The following AGBL1 variants were observed in gnomAD, a reference collection of about 807,000 sequenced individuals.
AGBL1 encodes the protein cytosolic carboxypeptidase 4.
In AGBL1, 130 loss-of-function variants were observed where a neutral mutation model predicts 118.9. The observed-to-expected ratio is 1.09, with a 90% CI of 0.95 to 1.26. The LOEUF (loss-of-function observed/expected upper bound fraction) is 1.26, where lower values mean the gene tolerates loss of function less well. Ranked by LOEUF, AGBL1 falls within the 50% of genes most tolerant of loss-of-function variation. The pLI, the probability that AGBL1 is intolerant of heterozygous loss-of-function variation, is 0.00. For missense variants in AGBL1, 1,584 were observed against 1,298.1 expected (o/e 1.22, Z -3.38); for synonymous variants, 555 against 478.9 (o/e 1.16, Z -2.08).
chr15:86,859,116 A>T (rs2079525651), intron 22 of AGBL1, among the ~76,000 whole-genome samples: 1 of 152,190 alleles, frequency 6.6e-6, no homozygotes, highest in Non-Finnish European at 1.5e-5. Context: ...AGGCATATGG[A>T]ATAGGGAAGA....
chr15:86,548,675 A>G (rs2083621781), intron 20 of AGBL1, among the ~76,000 whole-genome samples: 1 of 150,370 alleles, frequency 6.7e-6, no homozygotes, highest in Non-Finnish European at 1.5e-5. Context: ...ACACACACAC[A>G]CACACACACA....
At chr15:86,800,750 T>C (rs1224371965) in intron 22 of AGBL1, among the ~76,000 whole-genome samples, 1 of 152,068 alleles carries the variant, frequency 6.6e-6, no homozygotes, top group Non-Finnish European at 1.5e-5. Context: ...TATATCCTGT[T>C]TGAAAATATT....
chr15:86,373,485 G>T (rs2080997123), intron 17 of AGBL1, among the ~76,000 whole-genome samples: 1 of 152,208 alleles, frequency 6.6e-6, no homozygotes, highest in Non-Finnish European at 1.5e-5. Flanking sequence ...GAGGGTTTTA[G>T]AAAGTTCTAT....
chr15:86,303,094 A>G (rs1355253238), intron 17 of AGBL1, among the ~76,000 whole-genome samples: 1 of 152,182 alleles, frequency 6.6e-6, no homozygotes, highest in African/African-American at 2.4e-5. Context: ...TTTACGTCTT[A>G]GACTTACTGG....
intron 17 of AGBL1, chr15:86,297,210 T>G (rs2079659256): frequency 6.6e-6 from 1 of 152,138 alleles, no homozygotes; most frequent in Non-Finnish European, 1.5e-5. Flanking sequence ...ACAGCTTTTT[T>G]TTCTTTTAAA....
intron 18 of AGBL1, among the ~76,000 whole-genome samples, chr15:86,438,716 C>T (rs189708665): frequency 8.0e-4 from 115 of 144,040 alleles, no homozygotes; most frequent in African/African-American, 2.8e-3. Context: ...GGCTGGAGTA[C>T]GGTGGTGCCA....
In AGBL1 at chr15:86,229,642, C is replaced by T. The variant is rs553746946; in HGVS notation, c.526+4691C>T. Among the ~76,000 whole-genome samples the T allele has an allele frequency of 1.9e-4, 29 of 152,234 alleles. 1 individual carries two copies. The South Asian group carries it at 5.8e-3, about 31-fold the overall frequency. The stretch of plus-strand genomic sequence containing the variant: ...TTCCCTCATCCTTTTTGTCATTTCT[C>T]ATTTCCCTGTCCACCTTTCCCTCTT... On this transcript the variant is annotated intron_variant, in intron 6 of 22. Transcript: ENST00000614907.
chr15:86,248,455 C>T (rs1411188481), intron 7 of AGBL1, among the ~76,000 whole-genome samples: 1 of 152,204 alleles, frequency 6.6e-6, no homozygotes. Flanking sequence ...AACTAGAGTA[C>T]TGGATTCAAA....
At chr15:86,474,850 A>C (rs1252103970) in intron 18 of AGBL1, among the ~76,000 whole-genome samples, 1 of 152,186 alleles carries the variant, frequency 6.6e-6, no homozygotes, top group Non-Finnish European at 1.5e-5. Flanking sequence ...GACACCTCAC[A>C]TGGCCAGGTA....
intron 20 of AGBL1, among the ~76,000 whole-genome samples, chr15:86,553,648 G>A (rs1024782518): frequency 6.6e-6 from 1 of 152,174 alleles, no homozygotes; most frequent in Admixed American, 6.5e-5. Context: ...ACCCTGCTAA[G>A]TAACAGTGAG....
intron 22 of AGBL1, among the ~76,000 whole-genome samples, chr15:86,711,892 A>G (rs1402344349): frequency 6.6e-6 from 1 of 152,234 alleles, no homozygotes. Context: ...CCATCATCAG[A>G]GCAGCTATCA....
chr15:86,138,428 G>C (rs540781692), intron 1 of AGBL1: 3 of 152,166 alleles, frequency 2.0e-5, no homozygotes, highest in Non-Finnish European at 4.4e-5. Flanking sequence ...GTTTACCTTT[G>C]TCACAGCCCT....
At chr15:86,740,041 A>G (rs1356548110) in intron 22 of AGBL1, among the ~76,000 whole-genome samples, 1 of 152,240 alleles carries the variant, frequency 6.6e-6, no homozygotes, top group African/African-American at 2.4e-5. Flanking sequence ...AGCTATAAAA[A>G]TAACCTCACT....
At chr15:86,267,599 T>C (rs920692427) in intron 13 of AGBL1, among the ~76,000 whole-genome samples, 5 of 152,150 alleles carry the variant, frequency 3.3e-5, no homozygotes, top group African/African-American at 4.8e-5. Flanking sequence ...ACCATGCCTC[T>C]CTAGCAGAAC....
At chr15:86,304,556 G>T (rs974833962) in intron 17 of AGBL1, among the ~76,000 whole-genome samples, 2 of 152,112 alleles carry the variant, frequency 1.3e-5, no homozygotes, top group African/African-American at 4.8e-5. Context: ...CACAGTCTCT[G>T]CATGAAGCAG....
intron 1 of AGBL1, among the ~76,000 whole-genome samples, chr15:86,114,740 C>A (rs547244084): frequency 6.6e-6 from 1 of 152,246 alleles, no homozygotes; most frequent in South Asian, 2.1e-4. Context: ...GCTAGCTGAG[C>A]TTGGTGCAAA....
At chr15:86,791,777 T>C (rs1260723720) in intron 22 of AGBL1, among the ~76,000 whole-genome samples, 2 of 150,452 alleles carry the variant, frequency 1.3e-5, no homozygotes, top group African/African-American at 2.4e-5. Context: ...TGCTCTGTCA[T>C]CCAGACTGGA....
At chr15:86,385,550 A>G (rs2081172045) in intron 17 of AGBL1, among the ~76,000 whole-genome samples, 1 of 152,228 alleles carries the variant, frequency 6.6e-6, no homozygotes, top group African/African-American at 2.4e-5. Context: ...AAATTATTTT[A>G]CTTCCCATAA....
intron 22 of AGBL1, among the ~76,000 whole-genome samples, chr15:86,891,778 C>A (rs79445410): frequency 6.6e-6 from 1 of 152,142 alleles, no homozygotes; most frequent in Admixed American, 6.6e-5. Flanking sequence ...GGTCCCTTAG[C>A]TACACATTAC....
Sources: gnomAD v4.1 joint callset for allele counts (sites outside exome capture counted in the v4.1 genomes callset) on GRCh38, gnomAD v4.1.1 for gene constraint, MANE v1.5 for transcripts, NCBI Gene and HGNC (gene_info 2026-07-23, HGNC 2026-07-21) for gene names.